Variants in ARSL observed in about 807,000 individuals in gnomAD.
ARSL encodes the protein arylsulfatase E (chondrodysplasia punctata 1).
In ARSL, 4 loss-of-function variants were observed where a neutral mutation model predicts 31.1. The ratio of observed to expected loss-of-function variants is 0.13; its 90% confidence interval spans 0.06 to 0.29. ARSL has a LOEUF of 0.29. ARSL is among the 10% of genes least tolerant of loss of function. The probability of loss-of-function intolerance (pLI) is 1.00; values close to 1 mark genes in which losing one functional copy is unlikely to be tolerated. For synonymous variants in ARSL, 198 were observed against 209.9 expected, an observed-to-expected ratio of 0.94 and a Z score of 0.49; for missense variants, 312 against 497.8, an observed-to-expected ratio of 0.63 and a Z score of 3.55.
At chrX:2,952,219 T>G (rs1264547140) in intron 5 of ARSL, among the ~76,000 whole-genome samples, 1 of 112,082 alleles carries the variant, frequency 8.9e-6, no homozygotes, top group Admixed American at 9.5e-5. Flanking sequence ...TAGGTAGCAT[T>G]ACAGAAATTT....
chrX:2,955,634 C>T (rs973640309), intron 3 of ARSL, 97 bp from the exon 4 acceptor site: 93 of 989,876 alleles, frequency 9.4e-5, no homozygotes, highest in Non-Finnish European at 1.3e-4. Flanking sequence ...TGCTGGTCAT[C>T]GCTGAGTGCT....
intron 3 of ARSL, among the ~76,000 whole-genome samples, chrX:2,955,852 C>T (rs772520820): frequency 4.8e-4 from 54 of 112,038 alleles, no homozygotes; most frequent in African/African-American, 1.6e-3. Flanking sequence ...TGGCGAGACC[C>T]TGTCTCTACA....
chrX:2,942,127 G>A (rs1290805123), intron 8 of ARSL, among the ~76,000 whole-genome samples: 3 of 111,460 alleles, frequency 2.7e-5, no homozygotes, highest in Non-Finnish European at 5.6e-5. Context: ...GCCTTGAAGC[G>A]TGACAAGATA....
chrX:2,963,533 C>CTTTTTTTT (rs769134287), intron 1 of ARSL, among the ~76,000 whole-genome samples: 22 of 59,770 alleles, frequency 3.7e-4, no homozygotes, highest in Admixed American at 6.3e-4. Context: ...TTTTCTTTTC[C>CTTTTTTTT]TTTTTTTTTT....
At chrX:2,941,998 C>G (rs1228436373) in intron 8 of ARSL, among the ~76,000 whole-genome samples, 4 of 112,811 alleles carry the variant, frequency 3.5e-5, no homozygotes, top group Non-Finnish European at 7.5e-5. Flanking sequence ...TCCGTAACAA[C>G]TGTTTCAGCA....
chrX:2,952,996 G>A, intron 5 of ARSL, 147 bp downstream of exon 5: 1 of 725,181 alleles, frequency 1.4e-6, no homozygotes, highest in African/African-American at 2.1e-5. Context: ...AAACAACCTG[G>A]AAAGGAACAT....
At chrX:2,954,857 T>C (rs1253157615) in intron 4 of ARSL, among the ~76,000 whole-genome samples, 1 of 111,435 alleles carries the variant, frequency 9.0e-6, no homozygotes, top group Non-Finnish European at 1.9e-5. Flanking sequence ...TTCTTATTTA[T>C]TGTTTTTCTT....
At chrX:2,963,810 C>T (rs759821864) in intron 1 of ARSL, among the ~76,000 whole-genome samples, 2 of 108,924 alleles carry the variant, frequency 1.8e-5, no homozygotes, top group South Asian at 8.2e-4. Flanking sequence ...TCCCAAAGTG[C>T]TGGGATTACA....
rs187361839 is a variant in ARSL at position 2,963,608 on chromosome X, A to G, written c.-21+616T>C. ...CAGGCTGGAGAGCAATGGTGCGACC[A>G]TAGTTCACTGCAGCCTCAAATTCTT... On this transcript the variant is annotated intron_variant, in intron 1 of 10. Coordinates refer to ENST00000381134, the MANE Select transcript of ARSL (RefSeq NM_000047.3). Among the ~76,000 whole-genome samples the G allele has an allele frequency of 9.6e-5, 9 of 93,446 alleles. No individual in the cohort carries two copies. In the East Asian group the frequency reaches 3.0e-3, roughly 31 times the overall value. 81.1% of individuals were successfully genotyped at this position (93,446 alleles called of 115,157 possible). A position where few individuals can be genotyped will look rare whatever the true frequency, so the allele number is the denominator to read the frequency against.
intron 2 of ARSL, chrX:2,959,491 C>A: frequency 1.0e-6 from 1 of 984,111 alleles, no homozygotes; most frequent in Middle Eastern, 4.0e-4. Context: ...GTCCCAATCC[C>A]CAGTGGGATG....
In ARSL at chrX:2,959,853, T is replaced by C. The variant is rs2089580375; in HGVS notation, c.23+525A>G. Reference sequence around the variant, plus strand: ...GGAGCATTGCCTGAGCCCAGGTGTTTAAGACCAGCTTGAGCAACATGGTGA... The same window carrying C: ...GGAGCATTGCCTGAGCCCAGGTGTTCAAGACCAGCTTGAGCAACATGGTGA... On this transcript the variant is annotated intron_variant, in intron 2 of 10. Coordinates refer to ENST00000381134, the MANE Select transcript of ARSL (RefSeq NM_000047.3). The C allele has an allele frequency of 2.4e-5, 12 of 495,148 alleles. 1 individual carries two copies. In the East Asian group the frequency reaches 4.9e-4, roughly 20 times the overall value. The allele number at this position is 495,148 out of a possible 1,213,427, so 40.8% of individuals were successfully genotyped here.
rs756952745 is a variant in ARSL at position 2,940,100 on chromosome X, T to G, written c.1127-1843A>C. Among the ~76,000 whole-genome samples, 29 of 109,222 alleles carry G rather than the reference T, an allele frequency of 2.7e-4. No individual in the cohort carries two copies. The East Asian group carries it at 5.5e-3, about 21-fold the overall frequency. 94.8% of individuals were successfully genotyped at this position (109,222 alleles called of 115,157 possible). A position where few individuals can be genotyped will look rare whatever the true frequency, so the allele number is the denominator to read the frequency against. On this transcript the variant is annotated intron_variant, in intron 8 of 10. Transcript: ENST00000381134. ...CCAGGCTGGTCTCAAACTCCTGACC[T>G]CAAGTGATCTGCCTGCCTCGGTCTC... is the stretch of plus-strand genomic sequence containing the variant.
chrX:2,941,497 C>T (rs1361120559), intron 8 of ARSL, among the ~76,000 whole-genome samples: 1 of 111,392 alleles, frequency 9.0e-6, no homozygotes, highest in Non-Finnish European at 1.9e-5. Context: ...TCAAGTGATC[C>T]ACCCGCCTTG....
At chrX:2,945,954 T>C in intron 7 of ARSL, 44 bp downstream of exon 7, 2 of 1,204,587 alleles carry the variant, frequency 1.7e-6, no homozygotes, top group East Asian at 3.0e-5. Flanking sequence ...CCTGCTTCTA[T>C]TGCTGGAAGG....
At chrX:2,959,207 A>G (rs745342763) in intron 2 of ARSL, among the ~76,000 whole-genome samples, 1 of 111,581 alleles carries the variant, frequency 9.0e-6, no homozygotes, top group South Asian at 3.8e-4. Flanking sequence ...AGGTGAGAAC[A>G]CAGTGAGCTG....
At chrX:2,957,312 C>T (rs1210420892) in intron 3 of ARSL, among the ~76,000 whole-genome samples, 1 of 110,508 alleles carries the variant, frequency 9.0e-6, no homozygotes, top group African/African-American at 3.3e-5. Context: ...AAGTGATCCT[C>T]CTGCCTCAGC....
rs758246805 is a variant in ARSL at position 2,958,348 on chromosome X, T to A, written c.111A>T (p.Arg37=). ...CCGCCATCAGAAGAAGGATGTTCGG[T>A]CGGGAGGCGGAAATGTCGCTGGAAG... ...PSASSDISAS[R]PNILLLMADD... Residue 37 remains arginine, a synonymous_variant, in exon 3 of 11, where the codon CGA becomes CGT. Coordinates refer to ENST00000381134, the MANE Select transcript of ARSL (RefSeq NM_000047.3). 4 of 1,211,796 alleles carry A rather than the reference T, an allele frequency of 3.3e-6. No homozygotes were observed. Among genetic ancestry groups the A allele is most frequent in the Non-Finnish European group, 4.5e-6 (4 of 895,573 alleles).
At chrX:2,963,262 G>A (rs538200436) in intron 1 of ARSL, among the ~76,000 whole-genome samples, 1 of 111,169 alleles carries the variant, frequency 9.0e-6, no homozygotes, top group Admixed American at 9.6e-5. Context: ...CATCTTCACC[G>A]GGAAAGAGAT....
intron 4 of ARSL, among the ~76,000 whole-genome samples, chrX:2,954,014 G>A (rs1347787628): frequency 2.7e-5 from 3 of 111,617 alleles, no homozygotes. Context: ...GAGCCATTGT[G>A]CCTGAACTAA....
Sources: gnomAD v4.1 joint callset for allele counts (sites outside exome capture counted in the v4.1 genomes callset) on GRCh38, gnomAD v4.1.1 for gene constraint, MANE v1.5 for transcripts, NCBI Gene and HGNC (gene_info 2026-07-23, HGNC 2026-07-21) for gene names.